MRGPRX2: variants seen among roughly 807,000 people sequenced by gnomAD.
The protein encoded by MRGPRX2 is MAS related GPR family member X2.
For missense variants in MRGPRX2, 389 were observed against 404.5 expected (o/e 0.96, Z 0.33); for synonymous variants, 183 against 175.6 (o/e 1.04, Z -0.33).
At position 19,055,871 on chromosome 11, in the gene MRGPRX2, CAG is replaced by C. The variant is rs752889583; in HGVS notation, c.530_531del (p.Ser177TrpfsTer7). ...FCGFLFSDGD[S>X]GWCQTFDFIT... The stretch of plus-strand genomic sequence containing the variant: ...ATGAAATCAAATGTCTGACACCAAC[CAG>C]AGTCACCATCACTAAATAAGAAGCC... On this transcript the variant is annotated frameshift_variant, in exon 2 of 2. Transcript: ENST00000329773. LOFTEE classifies it low-confidence loss of function (END_TRUNC). 5.0e-6 allele frequency: 8 copies of C among 1,614,132 alleles called. No individual in the cohort carries two copies. In the South Asian group the frequency reaches 8.8e-5, roughly 18 times the overall value.
chr11:19,057,628 A>G (rs1206344286), intron 1 of MRGPRX2, among the ~76,000 whole-genome samples: 1 of 152,234 alleles, frequency 6.6e-6, no homozygotes, highest in African/African-American at 2.4e-5. Flanking sequence ...GGAAATTAGA[A>G]AAAAGAACCA....
chr11:19,058,286 T>C lies in MRGPRX2; in HGVS notation c.-25-1859A>G, dbSNP rs1466538057. On this transcript the variant is annotated intron_variant, in intron 1 of 1. Transcript: ENST00000329773. ...TGCAGAATTGGCATCAAGGACTGAA[T>C]GCATCCATCACATGCTGTCTTAGTT... Among the ~76,000 whole-genome samples, 3 of 152,204 alleles carry C rather than the reference T, an allele frequency of 2.0e-5. No individual in the cohort carries two copies. In the East Asian group the frequency reaches 5.8e-4, roughly 29 times the overall value.
chr11:19,060,446 T>A (rs1849659074), intron 1 of MRGPRX2, among the ~76,000 whole-genome samples, 173 bp downstream of exon 1: 1 of 152,300 alleles, frequency 6.6e-6, no homozygotes, highest in Non-Finnish European at 1.5e-5. Flanking sequence ...AGAAGAGAAG[T>A]GGGACGAACC....
chr11:19,054,798 G>A lies in MRGPRX2; in HGVS notation c.*612C>T, dbSNP rs148185545. 1.6e-4 allele frequency: 25 copies of A among 152,300 alleles called. No individual in the cohort carries two copies. The highest frequency in any genetic ancestry group is 5.3e-4 in the African/African-American group (22 of 41,574). The allele number at this position is 152,300 out of a possible 1,614,324, so 9.4% of individuals were successfully genotyped here. ...ATCTAATTATAAAACTTAATTTCAT[G>A]TTTGCAAAATTCAAAAGTAGTGAAA... On this transcript the variant is annotated 3_prime_UTR_variant, in exon 2 of 2. Coordinates refer to ENST00000329773, the MANE Select transcript of MRGPRX2 (RefSeq NM_054030.4).
rs756064431 is a variant in MRGPRX2 at position 19,056,116 on chromosome 11, G to A, written c.287C>T (p.Ser96Phe). The change falls in exon 2 of 2, where the codon TCC becomes TTC. Residue 96 changes from serine (S) to phenylalanine (F), a missense_variant. Coordinates refer to ENST00000329773, the MANE Select transcript of MRGPRX2 (RefSeq NM_054030.4). The part of the protein sequence containing the change: ...CLVYLSNFFC[S>F]ISINFPSFFT... ...GAAGCTAGGGAAATTGATGGAGATGGAACAGAAGAAGTTACTGAGGTACAC... is the reference window on the plus strand; with the variant it reads ...GAAGCTAGGGAAATTGATGGAGATGAAACAGAAGAAGTTACTGAGGTACAC... 3 of 1,614,124 alleles carry A rather than the reference G, an allele frequency of 1.9e-6. No homozygotes were observed. Among genetic ancestry groups the A allele is most frequent in the Non-Finnish European group, 2.5e-6 (3 of 1,180,056 alleles).
chr11:19,059,181 T>A (rs906952987), intron 1 of MRGPRX2, among the ~76,000 whole-genome samples: 1 of 152,328 alleles, frequency 6.6e-6, no homozygotes, highest in South Asian at 2.1e-4. Context: ...AATGGCACCA[T>A]GTAACCATAT....
At position 19,055,951 on chromosome 11, in the gene MRGPRX2, A is replaced by G; in HGVS notation, c.452T>C (p.Val151Ala). 1.2e-6 allele frequency: 2 copies of G among 1,614,188 alleles called. No homozygotes were observed. Among genetic ancestry groups the G allele is most frequent in the Non-Finnish European group, 8.5e-7 (1 of 1,180,034 alleles). ...CAGTAGGGACAGGGCCCAGAGCAGGACACACACGACCGCTGACAGGTGTCT... is the reference window on the plus strand; with the variant it reads ...CAGTAGGGACAGGGCCCAGAGCAGGGCACACACGACCGCTGACAGGTGTCT... ...RPRHLSAVVCVLLWALSLLLS... is the reference protein window; with the variant it reads ...RPRHLSAVVCALLWALSLLLS... Residue 151 changes from valine to alanine, a missense_variant, in exon 2 of 2, where the codon GTC becomes GCC. Transcript: ENST00000329773.
intron 1 of MRGPRX2, among the ~76,000 whole-genome samples, chr11:19,060,015 C>T (rs1023699766): frequency 4.5e-5 from 6 of 133,088 alleles, no homozygotes; most frequent in Non-Finnish European, 9.8e-5. Flanking sequence ...TTTCCTGTAG[C>T]CACAGCTATA....
rs762004508 is a variant in MRGPRX2, at chr11:19,055,500, C to T, written c.903G>A (p.Gln301=). The T allele has an allele frequency of 3.1e-6, 5 of 1,614,098 alleles. No homozygotes were observed. The Admixed American group carries it at 5.0e-5, about 16-fold the overall frequency. The stretch of plus-strand genomic sequence containing the variant: ...CCTCAGCAATGTCCTGCAGAGCCCT[C>T]TGGAGAGCCAGCTTGAGGATCGGCT... ...LQQPILKLAL[Q]RALQDIAEVD... Residue 301 remains glutamine (Q), a synonymous_variant, in exon 2 of 2, where the codon CAG becomes CAA. Coordinates refer to ENST00000329773, the MANE Select transcript of MRGPRX2 (RefSeq NM_054030.4).
intron 1 of MRGPRX2, among the ~76,000 whole-genome samples, chr11:19,059,994 C>T (rs12803411): frequency 0.49 from 73,824 of 151,506 alleles, 20,520 homozygotes; most frequent in Non-Finnish European, 0.61. Context: ...CATAGCCCTG[C>T]CTGGTGGCCC....
In MRGPRX2 at chr11:19,056,145, G is replaced by A. The variant is rs774094716; in HGVS notation, c.258C>T (p.Cys86=). 6.2e-7 allele frequency: 1 copy of A among 1,614,210 alleles called. No homozygotes were observed. Among genetic ancestry groups the A allele is most frequent in the Non-Finnish European group, 8.5e-7 (1 of 1,180,046 alleles). The change falls in exon 2 of 2, where the codon TGC becomes TGT. Residue 86 remains cysteine (C), a synonymous_variant. Coordinates refer to ENST00000329773, the MANE Select transcript of MRGPRX2 (RefSeq NM_054030.4). ...FLFLCFQIIN[C]LVYLSNFFCS... is the part of the protein sequence containing the mutation. ...AGAAGAAGTTACTGAGGTACACCAG[G>A]CAATTTATAATCTGGAAGCAGAGGA...
intron 1 of MRGPRX2, among the ~76,000 whole-genome samples, chr11:19,059,543 C>T (rs1215149277): frequency 6.6e-6 from 1 of 151,840 alleles, no homozygotes; most frequent in Non-Finnish European, 1.5e-5. Context: ...ATTCCATTCT[C>T]AAGGCATTTA....
chr11:19,056,143 AG>A lies in MRGPRX2; in HGVS notation c.259del (p.Leu87TrpfsTer22). On this transcript the variant is annotated frameshift_variant, in exon 2 of 2. Transcript: ENST00000329773. LOFTEE classifies it low-confidence loss of function (END_TRUNC). ...LFLCFQIINC[L>X]VYLSNFFCSI... ...ACAGAAGAAGTTACTGAGGTACACC[AG>A]GCAATTTATAATCTGGAAGCAGAGG... 6.2e-7 allele frequency: 1 copy of A among 1,614,244 alleles called. No homozygotes were observed. The highest frequency in any genetic ancestry group is 1.3e-5 in the African/African-American group (1 of 75,060).
Position 19,056,324 on chromosome 11 carries a change from C to A in MRGPRX2, c.79G>T (p.Gly27Cys). The A allele has an allele frequency of 6.2e-7, 1 of 1,614,220 alleles. No individual in the cohort carries two copies. The highest frequency in any genetic ancestry group is 8.5e-7 in the Non-Finnish European group (1 of 1,180,026). The change falls in exon 2 of 2, where the codon GGC becomes TGC. Residue 27 changes from glycine (G) to cysteine (C), a missense_variant. By Grantham distance (159) the Gly-to-Cys change is radical. Coordinates refer to ENST00000329773, the MANE Select transcript of MRGPRX2 (RefSeq NM_054030.4). ...GNDQALLLLC[G>C]KETLIPVFLI... ...AAGACCGGGATCAGGGTCTCCTTGC[C>A]ACAAAGCAGAAGAAGGGCTTGGTCA...
rs773509051 is a variant in MRGPRX2 at position 19,055,140 on chromosome 11, G to A, written c.*270C>T. On this transcript the variant is annotated 3_prime_UTR_variant, in exon 2 of 2. Coordinates refer to ENST00000329773, the MANE Select transcript of MRGPRX2 (RefSeq NM_054030.4). Reference sequence around the variant, plus strand: ...TTCTGCCCTGCTTTCAGCCTTCTGCGAAAGGTAGGATTCATTAAAAGTGGG... The same window carrying A: ...TTCTGCCCTGCTTTCAGCCTTCTGCAAAAGGTAGGATTCATTAAAAGTGGG... 5 of 346,630 alleles carry A rather than the reference G, an allele frequency of 1.4e-5. No homozygotes were observed. Among genetic ancestry groups the A allele is most frequent in the Non-Finnish European group, 2.1e-5 (4 of 190,078 alleles). 21.5% of individuals were successfully genotyped at this position (346,630 alleles called of 1,614,324 possible).
intron 1 of MRGPRX2, among the ~76,000 whole-genome samples, chr11:19,057,666 G>C (rs903463371): frequency 1.3e-5 from 2 of 152,184 alleles, no homozygotes; most frequent in Non-Finnish European, 2.9e-5. Context: ...GCTTTGAGGG[G>C]AAAAGGCAGA....
chr11:19,056,381 A>T lies in MRGPRX2; in HGVS notation c.22T>A (p.Trp8Arg). Residue 8 changes from tryptophan to arginine, a missense_variant, in exon 2 of 2, where the codon TGG (tryptophan) becomes AGG (arginine). Transcript: ENST00000329773. ...TTCACTGTTGTACTTTCTGTTCCCC[A>T]GGCCGGGGTGGTTGGATCCATGCTC... The part of the protein sequence containing the change: MDPTTPA[W>R]GTESTTVNGN... 1.2e-6 allele frequency: 2 copies of T among 1,611,550 alleles called. No homozygotes were observed. The highest frequency in any genetic ancestry group is 1.7e-6 in the Non-Finnish European group (2 of 1,177,828).
At chr11:19,058,795 T>A (rs1459980300) in intron 1 of MRGPRX2, among the ~76,000 whole-genome samples, 3 of 152,300 alleles carry the variant, frequency 2.0e-5, no homozygotes, top group African/African-American at 7.2e-5. Flanking sequence ...ACATTTTTGT[T>A]GTGGTTGTTC....
intron 1 of MRGPRX2, among the ~76,000 whole-genome samples, chr11:19,057,893 A>C (rs1849633398): frequency 6.6e-6 from 1 of 152,228 alleles, no homozygotes; most frequent in South Asian, 2.1e-4. Context: ...TAGAGCCTGC[A>C]TTTGAACCCA....
Sources: allele counts gnomAD v4.1 joint callset (sites outside exome capture counted in the v4.1 genomes callset), GRCh38; gene constraint gnomAD v4.1.1; transcripts MANE v1.5; gene names NCBI Gene and HGNC (gene_info 2026-07-23, HGNC 2026-07-21).